MACROD2: variants seen among roughly 807,000 people sequenced by gnomAD.
MACROD2 encodes the protein mono-ADP ribosylhydrolase 2, also known as ADP-ribose glycohydrolase MACROD2.
In MACROD2, 36 loss-of-function variants were observed where a neutral mutation model predicts 70.4. That is an observed-to-expected ratio of 0.51 (90% confidence interval 0.39 to 0.68). The LOEUF (loss-of-function observed/expected upper bound fraction) is 0.68, where lower values mean the gene tolerates loss of function less well. Ranked by LOEUF, MACROD2 falls within the 30% of genes least tolerant of loss-of-function variation. The pLI is 0.00. For synonymous variants in MACROD2, 172 were observed against 178.8 expected (o/e 0.96, Z 0.30); for missense variants, 496 against 538.4 (o/e 0.92, Z 0.78).
At chr20:14,799,048 C>T (rs545412364) in intron 5 of MACROD2, among the ~76,000 whole-genome samples, 1 of 151,902 alleles carries the variant, frequency 6.6e-6, no homozygotes, top group Non-Finnish European at 1.5e-5. Flanking sequence ...TATCTTTTAA[C>T]ATTCTTCCTA....
intron 2 of MACROD2, among the ~76,000 whole-genome samples, chr20:14,035,529 A>G (rs2053296594): frequency 6.6e-6 from 1 of 152,196 alleles, no homozygotes; most frequent in South Asian, 2.1e-4. Flanking sequence ...ACTAAGCAAT[A>G]TGTAAAATAT....
At chr20:15,494,772 T>TGCGCGC (rs1281586476) in intron 7 of MACROD2, among the ~76,000 whole-genome samples, 1 of 127,238 alleles carries the variant, frequency 7.9e-6, no homozygotes, top group East Asian at 3.2e-4. Flanking sequence ...TGCGCGTGTG[T>TGCGCGC]GTGTGCGCGC....
chr20:14,457,805 A>G (rs1251137404), intron 3 of MACROD2, among the ~76,000 whole-genome samples: 1 of 152,144 alleles, frequency 6.6e-6, no homozygotes, highest in African/African-American at 2.4e-5. Context: ...TTATATTTAT[A>G]TCATAAATTA....
chr20:15,772,204 T>C (rs1441423460), intron 8 of MACROD2, among the ~76,000 whole-genome samples: 2 of 150,474 alleles, frequency 1.3e-5, no homozygotes, highest in East Asian at 3.9e-4. Flanking sequence ...CTCTTTGGCC[T>C]AACCTTGTGT....
At chr20:14,820,118 T>A (rs2072824098) in intron 5 of MACROD2, among the ~76,000 whole-genome samples, 1 of 152,056 alleles carries the variant, frequency 6.6e-6, no homozygotes, top group Non-Finnish European at 1.5e-5. Context: ...TGGGAGAGTT[T>A]GCACTGAAGA....
chr20:15,007,283 G>A (rs2075045945), intron 5 of MACROD2, among the ~76,000 whole-genome samples: 1 of 152,010 alleles, frequency 6.6e-6, no homozygotes, highest in Admixed American at 6.5e-5. Flanking sequence ...AGAATGGCGT[G>A]AACCTGGGAG....
intron 3 of MACROD2, among the ~76,000 whole-genome samples, chr20:14,417,062 CTATCATCTATCTATCT>C (rs1006699894): frequency 1.2e-4 from 9 of 73,092 alleles, no homozygotes; most frequent in East Asian, 2.0e-3. Context: ...ATCTATCTAT[CTATCATCTATCTATCT>C]ATCTATCTAT....
intron 3 of MACROD2, among the ~76,000 whole-genome samples, chr20:14,147,571 A>G (rs914498195): frequency 3.9e-5 from 6 of 152,202 alleles, no homozygotes; most frequent in African/African-American, 1.4e-4. Flanking sequence ...GACCTCAGGT[A>G]GTTTAACAAT....
intron 8 of MACROD2, among the ~76,000 whole-genome samples, chr20:15,838,766 T>C (rs1401197218): frequency 1.3e-5 from 2 of 152,196 alleles, no homozygotes; most frequent in African/African-American, 4.8e-5. Flanking sequence ...TGTTCTGATA[T>C]AAGACAGACT....
chr20:15,604,153 A>C (rs1434470603), intron 8 of MACROD2, among the ~76,000 whole-genome samples: 2 of 152,148 alleles, frequency 1.3e-5, no homozygotes, highest in East Asian at 3.9e-4. Flanking sequence ...GCTTCTATTA[A>C]GGCATGAGTA....
intron 4 of MACROD2, among the ~76,000 whole-genome samples, chr20:14,679,857 T>A (rs1030809958): frequency 1.3e-5 from 2 of 152,192 alleles, no homozygotes; most frequent in Non-Finnish European, 2.9e-5. Context: ...TCAGATGACC[T>A]TCATACCAAT....
intron 5 of MACROD2, among the ~76,000 whole-genome samples, chr20:15,195,048 T>C (rs1450536795): frequency 6.6e-6 from 1 of 152,198 alleles, no homozygotes; most frequent in Non-Finnish European, 1.5e-5. Flanking sequence ...AAATTTAAAG[T>C]GGACCCCTTC....
intron 3 of MACROD2, among the ~76,000 whole-genome samples, chr20:14,384,460 G>T (rs200607734): frequency 8.3e-6 from 1 of 121,058 alleles, no homozygotes; most frequent in Non-Finnish European, 1.7e-5. Flanking sequence ...CAAATGTTTT[G>T]TTTCCATCTT....
At chr20:14,638,470 A>T (rs6042831) in intron 4 of MACROD2, among the ~76,000 whole-genome samples, 14,275 of 152,082 alleles carry the variant, frequency 0.094, 1,236 homozygotes, top group African/African-American at 0.23. Flanking sequence ...ACAGGATTAT[A>T]TATAGAGAGA....
chr20:15,181,637 G>T (rs1334391984), intron 5 of MACROD2, among the ~76,000 whole-genome samples: 1 of 152,026 alleles, frequency 6.6e-6, no homozygotes, highest in Non-Finnish European at 1.5e-5. Flanking sequence ...CTATTTTGTT[G>T]TTGTATTTGG....
chr20:15,754,916 TG>T (rs1158972781), intron 8 of MACROD2, among the ~76,000 whole-genome samples: 1 of 151,308 alleles, frequency 6.6e-6, no homozygotes, highest in African/African-American at 2.4e-5. Context: ...TGGAGTCCAG[TG>T]GTGTAATCTT....
At chr20:14,114,728 T>C (rs2148687702) in intron 3 of MACROD2, among the ~76,000 whole-genome samples, 1 of 152,268 alleles carries the variant, frequency 6.6e-6, no homozygotes, top group South Asian at 2.1e-4. Context: ...TTATAATTTC[T>C]CAAACTCTGA....
intron 7 of MACROD2, among the ~76,000 whole-genome samples, chr20:15,494,699 G>T (rs2047272059): frequency 6.6e-6 from 1 of 151,590 alleles, no homozygotes; most frequent in African/African-American, 2.4e-5. Context: ...GCTTTCTGGG[G>T]TATTAGAAGT....
At chr20:14,593,692 G>A (rs916014040) in intron 4 of MACROD2, among the ~76,000 whole-genome samples, 1 of 152,032 alleles carries the variant, frequency 6.6e-6, no homozygotes, top group Non-Finnish European at 1.5e-5. Flanking sequence ...TCAACTAAAT[G>A]CCAAGCATAC....
Sources: allele counts gnomAD v4.1 joint callset (sites outside exome capture counted in the v4.1 genomes callset), GRCh38; gene constraint gnomAD v4.1.1; transcripts MANE v1.5; gene names NCBI Gene and HGNC (gene_info 2026-07-23, HGNC 2026-07-21).